FOXP1: variants seen among roughly 807,000 people sequenced by gnomAD.
FOXP1 encodes the protein forkhead box protein P1.
In FOXP1, 15 loss-of-function variants were observed where a neutral mutation model predicts 98.2. The observed-to-expected ratio is 0.15, with a 90% CI of 0.10 to 0.24. The LOEUF (loss-of-function observed/expected upper bound fraction) is 0.24. FOXP1 is among the 10% of genes least tolerant of loss of function. FOXP1 has a pLI of 1.00. For missense variants in FOXP1, 633 were observed against 848.5 expected (o/e 0.75, Z 3.15); for synonymous variants, 371 against 314.5 (o/e 1.18, Z -1.90).
At chr3:71,297,641 A>G in intron 5 of FOXP1, among the ~76,000 whole-genome samples, 1 of 139,232 alleles carries the variant, frequency 7.2e-6, no homozygotes. Flanking sequence ...TTTCAGACAG[A>G]GTCTCCTTCT....
At chr3:70,979,428 G>C (rs1300532240) in intron 14 of FOXP1, among the ~76,000 whole-genome samples, 3 of 150,434 alleles carry the variant, frequency 2.0e-5, no homozygotes, top group African/African-American at 7.4e-5. Context: ...AAAATTTGTT[G>C]CAACAGAAAT....
At chr3:71,270,998 AG>A (rs777003949) in intron 5 of FOXP1, among the ~76,000 whole-genome samples, 1 of 152,246 alleles carries the variant, frequency 6.6e-6, no homozygotes, top group African/African-American at 2.4e-5. Context: ...TGGGAGGCCA[AG>A]GTGGGCAGAT....
At chr3:71,127,410 A>G (rs148916229) in intron 6 of FOXP1, among the ~76,000 whole-genome samples, 5 of 152,372 alleles carry the variant, frequency 3.3e-5, no homozygotes, top group African/African-American at 7.2e-5. Flanking sequence ...AAGAGAAACA[A>G]AACAAAAATC....
chr3:71,383,679 T>C (rs1263811088), intron 3 of FOXP1, among the ~76,000 whole-genome samples: 1 of 152,100 alleles, frequency 6.6e-6, no homozygotes, highest in Non-Finnish European at 1.5e-5. Flanking sequence ...AAAAAGATCA[T>C]TTTACTAGTC....
chr3:71,199,502 G>A (rs1387296890), intron 5 of FOXP1, among the ~76,000 whole-genome samples: 1 of 151,444 alleles, frequency 6.6e-6, no homozygotes, highest in African/African-American at 2.4e-5. Flanking sequence ...TGAGGCAGGT[G>A]GAACACTTAA....
chr3:71,388,761 C>T (rs1287011388), intron 3 of FOXP1, among the ~76,000 whole-genome samples: 1 of 152,120 alleles, frequency 6.6e-6, no homozygotes, highest in Non-Finnish European at 1.5e-5. Flanking sequence ...TAAATCTAAT[C>T]AAGTCTACAA....
At chr3:71,358,914 C>T (rs2078360676) in intron 4 of FOXP1, among the ~76,000 whole-genome samples, 1 of 152,178 alleles carries the variant, frequency 6.6e-6, no homozygotes. Context: ...TTACCAACCC[C>T]TGCATTAGGT....
At chr3:71,197,698 C>T (rs568276984) in intron 6 of FOXP1, among the ~76,000 whole-genome samples, 24 of 152,242 alleles carry the variant, frequency 1.6e-4, no homozygotes, top group Non-Finnish European at 2.8e-4. Context: ...CAGTGATGCC[C>T]GTGTTCTAGA....
chr3:71,174,824 A>ACC lies in FOXP1; in HGVS notation c.180+23377_180+23378insGG, dbSNP rs1415425796. Among the ~76,000 whole-genome samples, 9 of 149,388 alleles carry ACC rather than the reference A, an allele frequency of 6.0e-5. No homozygotes were observed. The South Asian group carries it at 6.4e-4, about 11-fold the overall frequency. On this transcript the variant is annotated intron_variant, in intron 6 of 20. Coordinates refer to ENST00000649528, the MANE Select transcript of FOXP1 (RefSeq NM_001349338.3). Reference sequence around the variant, plus strand: ...CACACACACACACACACACACACACACACCCCAATATACCCCAGGGTAGGA... The same window carrying ACC: ...CACACACACACACACACACACACACACCCACCCCAATATACCCCAGGGTAGGA...
At chr3:71,038,899 C>T (rs2047965179) in intron 11 of FOXP1, among the ~76,000 whole-genome samples, 1 of 152,114 alleles carries the variant, frequency 6.6e-6, no homozygotes, top group Admixed American at 6.6e-5. Context: ...CTCCTGGCCT[C>T]AAGCAATCCT....
At chr3:71,139,153 T>C (rs1413701246) in intron 6 of FOXP1, among the ~76,000 whole-genome samples, 2 of 152,134 alleles carry the variant, frequency 1.3e-5, no homozygotes, top group Non-Finnish European at 2.9e-5. Context: ...GGAGGGGAAA[T>C]TGGGGCATAC....
intron 12 of FOXP1, among the ~76,000 whole-genome samples, chr3:71,007,906 C>T (rs2043007232): frequency 6.6e-6 from 1 of 152,152 alleles, no homozygotes; most frequent in African/African-American, 2.4e-5. Context: ...ATTTCTCTGT[C>T]TTCCATTACA....
At chr3:70,965,447 T>C (rs937642397) in intron 20 of FOXP1, among the ~76,000 whole-genome samples, 1 of 152,216 alleles carries the variant, frequency 6.6e-6, no homozygotes, top group Non-Finnish European at 1.5e-5. Context: ...TCATTAATGG[T>C]TGGTAATAAT....
At chr3:71,064,864 C>A in intron 7 of FOXP1, 8 of 976,872 alleles carry the variant, frequency 8.2e-6, no homozygotes, top group Non-Finnish European at 9.7e-6. Context: ...CGGAGCCGGG[C>A]TCGGGGCGCC....
chr3:71,112,753 G>C, intron 6 of FOXP1, 116 bp from the exon 7 acceptor site: 1 of 751,746 alleles, frequency 1.3e-6, no homozygotes, highest in Non-Finnish European at 2.3e-6. Context: ...CCTATTTCCT[G>C]GCAAATGAAA....
chr3:71,180,651 T>G (rs1442495559), intron 6 of FOXP1, among the ~76,000 whole-genome samples: 1 of 152,176 alleles, frequency 6.6e-6, no homozygotes, highest in East Asian at 1.9e-4. Flanking sequence ...CACCTGGATT[T>G]CAGCAAAATC....
chr3:71,450,045 T>A (rs889330125), intron 3 of FOXP1, among the ~76,000 whole-genome samples: 2 of 152,252 alleles, frequency 1.3e-5, no homozygotes, highest in Non-Finnish European at 2.9e-5. Context: ...AATTTCCTTC[T>A]GAAGTTTTCC....
At chr3:71,286,747 ATGT>A (rs1283861129) in intron 5 of FOXP1, among the ~76,000 whole-genome samples, 1 of 152,224 alleles carries the variant, frequency 6.6e-6, no homozygotes, top group Admixed American at 6.5e-5. Flanking sequence ...ATGTCTAGAA[ATGT>A]TGTCATCAAA....
At chr3:71,419,812 T>TTTA (rs149068708) in intron 3 of FOXP1, among the ~76,000 whole-genome samples, 9 of 151,938 alleles carry the variant, frequency 5.9e-5, no homozygotes, top group Non-Finnish European at 1.0e-4. Flanking sequence ...GGTATTTTTT[T>TTTA]TTATTATTAT....
Sources: allele counts gnomAD v4.1 joint callset (sites outside exome capture counted in the v4.1 genomes callset), GRCh38; gene constraint gnomAD v4.1.1; transcripts MANE v1.5; gene names NCBI Gene and HGNC (gene_info 2026-07-23, HGNC 2026-07-21).